Variants in CNTN5 observed in about 807,000 individuals in gnomAD.
CNTN5 encodes the protein contactin-5.
CNTN5 carries 77 observed loss-of-function variants against 129.1 expected under a neutral mutation model. The ratio of observed to expected loss-of-function variants is 0.60; its 90% CI spans 0.50 to 0.72. CNTN5 has a LOEUF of 0.72. Among genes scored for constraint, CNTN5 ranks in the 30% least tolerant of loss-of-function variants. The pLI, the probability that CNTN5 is intolerant of heterozygous loss-of-function variation, is 0.00. For synonymous variants in CNTN5, 509 were observed against 465.6 expected, an observed-to-expected ratio of 1.09 and a Z score of -1.20; for missense variants, 1,478 against 1,328.8, an observed-to-expected ratio of 1.11 and a Z score of -1.75.
At chr11:99,630,519 C>T (rs1951305084) in intron 3 of CNTN5, among the ~76,000 whole-genome samples, 1 of 151,882 alleles carries the variant, frequency 6.6e-6, no homozygotes, top group Non-Finnish European at 1.5e-5. Flanking sequence ...TAGCAACTAT[C>T]ATGCCTCACC....
intron 13 of CNTN5, among the ~76,000 whole-genome samples, chr11:100,117,340 A>C (rs771240266): frequency 5.3e-5 from 8 of 151,902 alleles, no homozygotes; most frequent in South Asian, 2.1e-4. Flanking sequence ...GTCTTGCAAA[A>C]TACTGGAAAT....
At chr11:100,340,424 G>A in intron 21 of CNTN5, 39 bp from the exon 22 acceptor site, 3 of 1,493,672 alleles carry the variant, frequency 2.0e-6, no homozygotes, top group South Asian at 2.5e-5. Flanking sequence ...CACAGAGGAA[G>A]CTTTAAAATT....
At chr11:99,326,834 T>G (rs1865806187) in intron 2 of CNTN5, among the ~76,000 whole-genome samples, 1 of 152,136 alleles carries the variant, frequency 6.6e-6, no homozygotes, top group Non-Finnish European at 1.5e-5. Context: ...TATAAATTAA[T>G]CCATTGCTAT....
At chr11:99,760,781 A>G (rs1352108742) in intron 3 of CNTN5, among the ~76,000 whole-genome samples, 1 of 152,056 alleles carries the variant, frequency 6.6e-6, no homozygotes, top group Admixed American at 6.6e-5. Flanking sequence ...GGTTCATATA[A>G]AAATCCAAAT....
intron 1 of CNTN5, among the ~76,000 whole-genome samples, chr11:99,104,906 T>C (rs1334816414): frequency 6.6e-6 from 1 of 152,118 alleles, no homozygotes; most frequent in African/African-American, 2.4e-5. Context: ...ATAGCAACTT[T>C]TAAAATAAAG....
chr11:99,469,359 A>G (rs1945079476), intron 2 of CNTN5, among the ~76,000 whole-genome samples: 1 of 152,124 alleles, frequency 6.6e-6, no homozygotes, highest in Non-Finnish European at 1.5e-5. Flanking sequence ...TCCTGTTTCA[A>G]AATTATCTAT....
chr11:100,350,659 T>C (rs765434546), intron 23 of CNTN5, 43 bp from the exon 24 acceptor site: 4 of 1,472,364 alleles, frequency 2.7e-6, no homozygotes, highest in Non-Finnish European at 3.7e-6. Context: ...TGTGCATTTG[T>C]AATCTTTCAT....
chr11:99,888,164 G>A (rs139469676), intron 6 of CNTN5, among the ~76,000 whole-genome samples: 17 of 152,200 alleles, frequency 1.1e-4, no homozygotes, highest in African/African-American at 2.9e-4. Context: ...TATATGTTAC[G>A]AATCATTATC....
chr11:99,205,431 G>T (rs145488401), intron 1 of CNTN5, among the ~76,000 whole-genome samples: 2,246 of 152,140 alleles, frequency 0.015, 30 homozygotes, highest in Middle Eastern at 0.051. Flanking sequence ...GATTGTGTCT[G>T]CTGTAGCAAT....
At chr11:100,161,637 A>G (rs906228486) in intron 13 of CNTN5, among the ~76,000 whole-genome samples, 22 of 151,818 alleles carry the variant, frequency 1.4e-4, no homozygotes, top group African/African-American at 5.3e-4. Flanking sequence ...TCTCCTTGCT[A>G]TGTAGTTTAT....
intron 2 of CNTN5, among the ~76,000 whole-genome samples, chr11:99,393,048 TA>T (rs1226180056): frequency 1.3e-5 from 2 of 151,758 alleles, no homozygotes; most frequent in African/African-American, 2.4e-5. Context: ...TTAAGTGGTT[TA>T]AAAACATTTT....
intron 3 of CNTN5, among the ~76,000 whole-genome samples, chr11:99,622,405 C>T (rs374075795): frequency 1.3e-5 from 2 of 152,022 alleles, no homozygotes; most frequent in African/African-American, 2.4e-5. Flanking sequence ...CTGTTTTGGT[C>T]TAAAGAGATA....
At chr11:99,935,321 G>A (rs956109324) in intron 7 of CNTN5, among the ~76,000 whole-genome samples, 1 of 151,748 alleles carries the variant, frequency 6.6e-6, no homozygotes, top group Non-Finnish European at 1.5e-5. Flanking sequence ...ATAAATAGAA[G>A]ATAAGTTAGT....
chr11:99,441,774 A>G (rs1565585051), intron 2 of CNTN5, among the ~76,000 whole-genome samples: 1 of 152,212 alleles, frequency 6.6e-6, no homozygotes, highest in Non-Finnish European at 1.5e-5. Context: ...CAGTTTGGTA[A>G]TCTTACAGCT....
At chr11:99,202,780 A>T (rs1197011316) in intron 1 of CNTN5, among the ~76,000 whole-genome samples, 2 of 150,536 alleles carry the variant, frequency 1.3e-5, no homozygotes, top group Non-Finnish European at 3.0e-5. Context: ...AAATAAATAT[A>T]AATATATATT....
chr11:100,193,632 A>G lies in CNTN5; in HGVS notation c.1853A>G (p.Glu618Gly). 1 of 1,611,868 alleles carries G rather than the reference A, an allele frequency of 6.2e-7. No homozygotes were observed. Among genetic ancestry groups the G allele is most frequent in the South Asian group, 1.1e-5 (1 of 90,916 alleles). The stretch of plus-strand genomic sequence containing the variant: ...AAAGGACAGCCTATTGATTTCGAGG[A>G]AGAGGGTGGACATTTTGAAAGCATC... ...TLKGQPIDFEEEGGHFESIRA... is the reference protein window; with the variant it reads ...TLKGQPIDFEGEGGHFESIRA... Residue 618 changes from glutamate to glycine, a missense_variant, in exon 15 of 25, where the codon GAA (glutamate) becomes GGA (glycine). Coordinates refer to ENST00000524871, the MANE Select transcript of CNTN5 (RefSeq NM_014361.4).
At chr11:99,970,059 A>C (rs919441615) in intron 8 of CNTN5, among the ~76,000 whole-genome samples, 17 of 152,012 alleles carry the variant, frequency 1.1e-4, no homozygotes, top group Non-Finnish European at 2.2e-4. Context: ...GGTCAATTAG[A>C]CTCCTAATCT....
intron 1 of CNTN5, among the ~76,000 whole-genome samples, chr11:99,047,640 G>A (rs994185026): frequency 4.7e-4 from 71 of 151,922 alleles, no homozygotes; most frequent in Non-Finnish European, 1.8e-4. Flanking sequence ...AAAATAACTC[G>A]TTATTAATGG....
chr11:99,262,934 G>A (rs887158883), intron 1 of CNTN5, among the ~76,000 whole-genome samples: 7 of 152,004 alleles, frequency 4.6e-5, no homozygotes, highest in Non-Finnish European at 7.4e-5. Context: ...AAGAAAGGAT[G>A]AAGGCTGGAT....
Sources: allele counts gnomAD v4.1 joint callset (sites outside exome capture counted in the v4.1 genomes callset), GRCh38; gene constraint gnomAD v4.1.1; transcripts MANE v1.5; gene names NCBI Gene and HGNC (gene_info 2026-07-23, HGNC 2026-07-21).